Variants in SEPTIN14 observed in about 807,000 individuals in gnomAD.
SEPTIN14 encodes septin-14.
A neutral mutation model predicts 53.6 loss-of-function variants in SEPTIN14; 40 were observed. The ratio of observed to expected loss-of-function variants is 0.75; its 90% CI spans 0.58 to 0.97. The LOEUF (loss-of-function observed/expected upper bound fraction) is 0.97. SEPTIN14 is among the 50% of genes least tolerant of loss of function. The probability of loss-of-function intolerance (pLI) is 0.00; values close to 1 mark genes in which losing one functional copy is unlikely to be tolerated. For synonymous variants in SEPTIN14, 138 were observed against 166.8 expected (o/e 0.83, Z 1.33); for missense variants, 471 against 508.2 (o/e 0.93, Z 0.70).
intron 6 of SEPTIN14, among the ~76,000 whole-genome samples, chr7:55,830,863 G>T (rs1050918462): frequency 2.0e-5 from 3 of 152,000 alleles, no homozygotes; most frequent in Admixed American, 6.6e-5. Flanking sequence ...AGAACAGATA[G>T]GTTTACAGCC....
At chr7:55,809,075 C>T (rs1788653255) in intron 7 of SEPTIN14, among the ~76,000 whole-genome samples, 1 of 152,016 alleles carries the variant, frequency 6.6e-6, no homozygotes, top group Admixed American at 6.6e-5. Context: ...GAATACTACA[C>T]AGCCATAAAA....
chr7:55,831,481 G>A (rs6958506), intron 6 of SEPTIN14, among the ~76,000 whole-genome samples: 30,396 of 152,034 alleles, frequency 0.2, 4,011 homozygotes, highest in East Asian at 0.43. Context: ...AACTCAAGAC[G>A]TATTAATGAC....
intron 7 of SEPTIN14, among the ~76,000 whole-genome samples, chr7:55,814,434 T>C (rs1254284608): frequency 1.3e-5 from 2 of 152,088 alleles, no homozygotes. Context: ...AAAATAGCTG[T>C]TTTAAAAGAG....
intron 3 of SEPTIN14, among the ~76,000 whole-genome samples, chr7:55,846,017 C>A (rs1475609980): frequency 8.8e-5 from 11 of 124,894 alleles, no homozygotes; most frequent in Non-Finnish European, 1.6e-4. Flanking sequence ...CCACTGCACT[C>A]CAGCATGGGC....
At chr7:55,801,111 G>T (rs925886917) in intron 9 of SEPTIN14, among the ~76,000 whole-genome samples, 1 of 151,908 alleles carries the variant, frequency 6.6e-6, no homozygotes, top group Non-Finnish European at 1.5e-5. Flanking sequence ...AGAAAAAATA[G>T]ATTAAATAAT....
At chr7:55,814,997 C>T (rs1442542271) in intron 7 of SEPTIN14, among the ~76,000 whole-genome samples, 2 of 152,056 alleles carry the variant, frequency 1.3e-5, no homozygotes, top group Non-Finnish European at 2.9e-5. Context: ...CACACAGCCA[C>T]AGAGAACTCA....
At chr7:55,818,817 C>A (rs1386447392) in intron 7 of SEPTIN14, among the ~76,000 whole-genome samples, 1 of 152,148 alleles carries the variant, frequency 6.6e-6, no homozygotes, top group Non-Finnish European at 1.5e-5. Flanking sequence ...CTCTCAGTGT[C>A]ATGATTTATA....
At chr7:55,823,916 T>A (rs1584259548) in intron 6 of SEPTIN14, among the ~76,000 whole-genome samples, 1 of 144,822 alleles carries the variant, frequency 6.9e-6, no homozygotes, top group African/African-American at 2.6e-5. Flanking sequence ...AGAGAGAGAG[T>A]GTCTCACTCT....
In SEPTIN14 at chr7:55,805,339, C is replaced by G; in HGVS notation, c.1038G>C (p.Gln346His). ...TCTGTTTCAACTCTTCTTCTTCCCT[C>G]TGACATTGATCATAGAACTCTTGTC... is the stretch of plus-strand genomic sequence containing the variant. ...AKRQEFYDQC[Q>H]REEEELKQRF... The change falls in exon 9 of 10, where the codon CAG (glutamine) becomes CAC (histidine). Residue 346 changes from glutamine to histidine, a missense_variant. Transcript: ENST00000388975. The G allele has an allele frequency of 6.2e-7, 1 of 1,604,812 alleles. No individual in the cohort carries two copies. Among genetic ancestry groups the G allele is most frequent in the African/African-American group, 1.3e-5 (1 of 74,618 alleles).
intron 2 of SEPTIN14, among the ~76,000 whole-genome samples, chr7:55,852,480 TC>T (rs1487664653): frequency 3.3e-5 from 5 of 152,034 alleles, no homozygotes; most frequent in Non-Finnish European, 7.4e-5. Context: ...AAATTGGATA[TC>T]CATATGTAAA....
chr7:55,809,625 G>A (rs1275903265), intron 7 of SEPTIN14, among the ~76,000 whole-genome samples: 1 of 151,626 alleles, frequency 6.6e-6, no homozygotes, highest in East Asian at 1.9e-4. Flanking sequence ...CCAAAGTGCT[G>A]GGATTACAGA....
At chr7:55,836,038 G>C (rs1789199486) in intron 5 of SEPTIN14, among the ~76,000 whole-genome samples, 1 of 152,086 alleles carries the variant, frequency 6.6e-6, no homozygotes, top group African/African-American at 2.4e-5. Flanking sequence ...ACCACACCTG[G>C]CCTGGTTACC....
chr7:55,854,630 A>G (rs7786410), intron 2 of SEPTIN14, among the ~76,000 whole-genome samples: 29,697 of 151,958 alleles, frequency 0.2, 3,789 homozygotes, highest in East Asian at 0.43. Context: ...GGGTTTCACC[A>G]TGTTAGCCAG....
chr7:55,829,141 G>A (rs189956196), intron 6 of SEPTIN14, among the ~76,000 whole-genome samples: 202 of 151,782 alleles, frequency 1.3e-3, no homozygotes, highest in African/African-American at 4.5e-3. Flanking sequence ...CACTTTGGGA[G>A]GCCAAGACAG....
rs1396782901 is a variant in SEPTIN14, at chr7:55,844,717, C to T, written c.177G>A (p.Gly59=). The change falls in exon 4 of 10, where the codon GGG becomes GGA. Residue 59 remains glycine (G), a splice_region_variant and synonymous_variant. Coordinates refer to ENST00000388975, the MANE Select transcript of SEPTIN14 (RefSeq NM_207366.3). ...QGFTFNILCV[G]ETGIGKSTLI... ...GTGTCGATTTTCCAATTCCAGTCTC[C>T]CCTGTAATAGACATAGAGTCATTGT... 4 of 1,552,760 alleles carry T rather than the reference C, an allele frequency of 2.6e-6. No individual in the cohort carries two copies. The highest frequency in any genetic ancestry group is 3.4e-5 in the Admixed American group (2 of 58,834).
chr7:55,840,875 G>C (rs1046345918), intron 5 of SEPTIN14, among the ~76,000 whole-genome samples: 3 of 151,414 alleles, frequency 2.0e-5, no homozygotes, highest in African/African-American at 7.3e-5. Context: ...CTGTACCTTT[G>C]CTTTTTGTTG....
At chr7:55,817,476 A>ATATATT (rs1554328559) in intron 7 of SEPTIN14, among the ~76,000 whole-genome samples, 74 of 143,782 alleles carry the variant, frequency 5.1e-4, no homozygotes, top group Middle Eastern at 7.3e-3. Context: ...ATATATATAT[A>ATATATT]TTTTTTTTTT....
intron 4 of SEPTIN14, among the ~76,000 whole-genome samples, chr7:55,844,044 A>G (rs1789359281): frequency 6.6e-6 from 1 of 152,078 alleles, no homozygotes; most frequent in Non-Finnish European, 1.5e-5. Flanking sequence ...GCTGAGGTGG[A>G]AGGATTCACT....
At chr7:55,806,448 C>A (rs979988818) in intron 8 of SEPTIN14, among the ~76,000 whole-genome samples, 25 of 149,244 alleles carry the variant, frequency 1.7e-4, no homozygotes, top group Middle Eastern at 3.5e-3. Flanking sequence ...CCATCTTTTT[C>A]TTTATCCTTT....
Sources: gnomAD v4.1 joint callset for allele counts (sites outside exome capture counted in the v4.1 genomes callset) on GRCh38, gnomAD v4.1.1 for gene constraint, MANE v1.5 for transcripts, NCBI Gene and HGNC (gene_info 2026-07-23, HGNC 2026-07-21) for gene names.